Variants in GLRA2 observed in about 807,000 individuals in gnomAD.
GLRA2 encodes the protein glycine receptor alpha 2.
A neutral mutation model predicts 31.6 loss-of-function variants in GLRA2; 11 were observed. The ratio of observed to expected loss-of-function variants is 0.35; its 90% CI spans 0.22 to 0.58. GLRA2 has a LOEUF of 0.58. Among genes scored for constraint, GLRA2 ranks in the 20% least tolerant of loss-of-function variants. The pLI is 0.84. For synonymous variants in GLRA2, 132 were observed against 134.0 expected, an observed-to-expected ratio of 0.99 and a Z score of 0.10; for missense variants, 212 against 351.8, an observed-to-expected ratio of 0.60 and a Z score of 3.18.
At chrX:14,690,669 C>T (rs1012085252) in intron 7 of GLRA2, 41 bp from the exon 8 acceptor site, 1 of 937,717 alleles carries the variant, frequency 1.1e-6, no homozygotes, top group Non-Finnish European at 1.5e-6. Context: ...TTCTCTCTCT[C>T]TCTCTCTCTG....
intron 8 of GLRA2, among the ~76,000 whole-genome samples, chrX:14,715,066 C>T (rs986929866): frequency 2.7e-5 from 3 of 112,177 alleles, no homozygotes; most frequent in African/African-American, 9.7e-5. Flanking sequence ...TAAACACATA[C>T]ATAAATGAAA....
chrX:14,508,514 C>G, the GLRA2 span, among the ~76,000 whole-genome samples: 1 of 111,657 alleles, frequency 9.0e-6, no homozygotes, highest in Non-Finnish European at 1.9e-5. Context: ...GCACACAGTC[C>G]TTATGGAGAC....
chrX:14,689,761 A>G (rs1483478160), intron 7 of GLRA2, among the ~76,000 whole-genome samples: 1 of 112,388 alleles, frequency 8.9e-6, no homozygotes, highest in East Asian at 2.8e-4. Flanking sequence ...TGGTAGTTTA[A>G]TAAGTATTCT....
intron 2 of GLRA2, among the ~76,000 whole-genome samples, chrX:14,542,672 T>C (rs1017966689): frequency 3.6e-5 from 4 of 110,965 alleles, no homozygotes; most frequent in African/African-American, 9.8e-5. Context: ...AGTTTATTCT[T>C]TAAGTGTAGG....
chrX:14,511,271 A>G, the GLRA2 span, among the ~76,000 whole-genome samples: 4 of 112,083 alleles, frequency 3.6e-5, no homozygotes, highest in African/African-American at 1.3e-4. Flanking sequence ...ACTTGTTTCA[A>G]TCTCTTTAGT....
the GLRA2 span, among the ~76,000 whole-genome samples, chrX:14,504,398 C>A: frequency 9.1e-6 from 1 of 110,412 alleles, no homozygotes; most frequent in Non-Finnish European, 1.9e-5. Context: ...CAGAGTTGAG[C>A]CAAACAGGTT....
At chrX:14,467,085 T>C in the GLRA2 span, among the ~76,000 whole-genome samples, 1 of 112,539 alleles carries the variant, frequency 8.9e-6, no homozygotes, top group Non-Finnish European at 1.9e-5. Flanking sequence ...ACTTCCTAAG[T>C]TATATGTGCT....
chrX:14,535,197 A>T lies in GLRA2; in HGVS notation c.202+2825A>T, dbSNP rs780888245. Among the ~76,000 whole-genome samples, 23 of 112,306 alleles carry T rather than the reference A, an allele frequency of 2.0e-4. No homozygotes were observed. The South Asian group carries it at 2.2e-3, about 11-fold the overall frequency. The stretch of plus-strand genomic sequence containing the variant: ...GGCCACTGAGGTAAACAGAATGGTT[A>T]TTCTAGAATTCTTATTAAATATTAG... On this transcript the variant is annotated intron_variant, in intron 2 of 8. Transcript: ENST00000218075.
the GLRA2 span, among the ~76,000 whole-genome samples, chrX:14,502,347 T>A: frequency 8.9e-6 from 1 of 112,369 alleles, no homozygotes; most frequent in Non-Finnish European, 1.9e-5. Flanking sequence ...GGTTAACTAT[T>A]ATTAGCATCT....
the GLRA2 span, among the ~76,000 whole-genome samples, chrX:14,501,329 C>T: frequency 3.6e-5 from 4 of 112,023 alleles, no homozygotes; most frequent in South Asian, 7.4e-4. Flanking sequence ...AGGTGGGCTA[C>T]GCATCCATAA....
intron 7 of GLRA2, among the ~76,000 whole-genome samples, chrX:14,675,790 C>G (rs1244736050): frequency 8.9e-6 from 1 of 111,842 alleles, no homozygotes; most frequent in Non-Finnish European, 1.9e-5. Context: ...CACCATGAAT[C>G]TTTGGCACCA....
chrX:14,666,799 GCA>G (rs773441887), intron 7 of GLRA2, among the ~76,000 whole-genome samples: 1 of 111,798 alleles, frequency 8.9e-6, no homozygotes, highest in East Asian at 2.8e-4. Flanking sequence ...GAAAACTGAA[GCA>G]CAGAGTCATT....
chrX:14,492,485 CTAAA>C, the GLRA2 span, among the ~76,000 whole-genome samples: 2 of 111,671 alleles, frequency 1.8e-5, no homozygotes, highest in Non-Finnish European at 3.8e-5. Context: ...ATCTGGAATA[CTAAA>C]TAAACACATA....
At chrX:14,522,923 G>A in the GLRA2 span, among the ~76,000 whole-genome samples, 1 of 111,631 alleles carries the variant, frequency 9.0e-6, no homozygotes, top group Admixed American at 9.5e-5. Flanking sequence ...AATGGTAAAT[G>A]GGCATTGTCT....
the GLRA2 span, among the ~76,000 whole-genome samples, chrX:14,465,290 A>G: frequency 8.1e-5 from 9 of 111,639 alleles, no homozygotes; most frequent in African/African-American, 2.0e-4. Flanking sequence ...TGATTTTTGT[A>G]TGTTGATTTT....
chrX:14,458,204 T>A, the GLRA2 span, among the ~76,000 whole-genome samples: 1 of 111,232 alleles, frequency 9.0e-6, no homozygotes, highest in Non-Finnish European at 1.9e-5. Flanking sequence ...CATGAACTCA[T>A]CCTTTTTTAT....
At chrX:14,726,364 T>A (rs2091928973) in intron 8 of GLRA2, among the ~76,000 whole-genome samples, 1 of 112,289 alleles carries the variant, frequency 8.9e-6, no homozygotes, top group African/African-American at 3.2e-5. Context: ...AGGCATTGAA[T>A]GCATCATAAT....
intron 8 of GLRA2, among the ~76,000 whole-genome samples, chrX:14,698,865 GGT>G (rs2091491511): frequency 9.0e-6 from 1 of 110,554 alleles, no homozygotes; most frequent in South Asian, 3.8e-4. Context: ...ATTCAGGGAA[GGT>G]ATTTATTGAG....
chrX:14,566,572 T>C (rs766600597), intron 2 of GLRA2, among the ~76,000 whole-genome samples: 25 of 111,499 alleles, frequency 2.2e-4, no homozygotes, highest in Admixed American at 4.7e-4. Flanking sequence ...TATATGTAAG[T>C]TTAACTCTCT....
Sources: gnomAD v4.1 joint callset for allele counts (sites outside exome capture counted in the v4.1 genomes callset) on GRCh38, gnomAD v4.1.1 for gene constraint, MANE v1.5 for transcripts, NCBI Gene and HGNC (gene_info 2026-07-23, HGNC 2026-07-21) for gene names.